Variants in AKAP6 observed in about 807,000 individuals in gnomAD.
AKAP6 encodes A-kinase anchor protein 6.
In AKAP6, 58 loss-of-function variants were observed where a neutral mutation model predicts 188.5. The observed-to-expected ratio is 0.31, with a 90% CI of 0.25 to 0.38. AKAP6 has a LOEUF of 0.38. AKAP6 is among the 10% of genes least tolerant of loss of function. The pLI is 1.00. For synonymous variants in AKAP6, 989 were observed against 998.6 expected, an observed-to-expected ratio of 0.99 and a Z score of 0.18; for missense variants, 2,710 against 2,740.0, an observed-to-expected ratio of 0.99 and a Z score of 0.24.
intron 2 of AKAP6, among the ~76,000 whole-genome samples, chr14:32,510,853 T>C (rs990498342): frequency 1.3e-5 from 2 of 152,160 alleles, no homozygotes; most frequent in African/African-American, 2.4e-5. Flanking sequence ...GGAGTCATGC[T>C]GGCCAATCTA....
intron 5 of AKAP6, among the ~76,000 whole-genome samples, chr14:32,598,609 G>A (rs1244603550): frequency 6.6e-6 from 1 of 152,098 alleles, no homozygotes; most frequent in East Asian, 1.9e-4. Flanking sequence ...CTTATAATTT[G>A]GTAGCCAAGG....
Position 32,794,877 on chromosome 14 carries a change from A to G in AKAP6, c.3588+20984A>G, listed in dbSNP as rs183436893. Reference sequence around the variant, plus strand: ...AGAGCTATTTTTTTTTAAATTAACAAAAGAGACCACTAGCTAGACTAATAA... The same window carrying G: ...AGAGCTATTTTTTTTTAAATTAACAGAAGAGACCACTAGCTAGACTAATAA... On this transcript the variant is annotated intron_variant, in intron 12 of 13. Coordinates refer to ENST00000280979, the MANE Select transcript of AKAP6 (RefSeq NM_004274.5). Among the ~76,000 whole-genome samples, 4 of 152,082 alleles carry G rather than the reference A, an allele frequency of 2.6e-5. No homozygotes were observed. In the East Asian group the frequency reaches 7.7e-4, roughly 29 times the overall value.
chr14:32,336,741 C>A (rs1484685977), intron 1 of AKAP6, among the ~76,000 whole-genome samples: 1 of 152,138 alleles, frequency 6.6e-6, no homozygotes, highest in Non-Finnish European at 1.5e-5. Context: ...ACTCAAAATT[C>A]TTGTTTCTCA....
chr14:32,407,988 G>C (rs187397985), intron 1 of AKAP6, among the ~76,000 whole-genome samples: 1 of 152,288 alleles, frequency 6.6e-6, no homozygotes, highest in Admixed American at 6.5e-5. Context: ...GTGCAGAAAA[G>C]TGCCAGATGA....
intron 7 of AKAP6, among the ~76,000 whole-genome samples, chr14:32,614,331 C>A (rs1417610993): frequency 6.6e-6 from 1 of 152,142 alleles, no homozygotes; most frequent in Admixed American, 6.5e-5. Context: ...GGCTAATACA[C>A]AAAAGGGAAA....
At chr14:32,727,535 T>C (rs1374920101) in intron 9 of AKAP6, among the ~76,000 whole-genome samples, 2 of 152,210 alleles carry the variant, frequency 1.3e-5, no homozygotes, top group Non-Finnish European at 2.9e-5. Flanking sequence ...TTAAAGATAA[T>C]GCAATCTATG....
chr14:32,770,675 C>T (rs2032870487), intron 11 of AKAP6, among the ~76,000 whole-genome samples: 1 of 152,224 alleles, frequency 6.6e-6, no homozygotes, highest in Admixed American at 6.5e-5. Context: ...CATCTTGGTC[C>T]ATCTGGTTCA....
chr14:32,509,931 G>A (rs1422732444), intron 2 of AKAP6, among the ~76,000 whole-genome samples: 2 of 152,066 alleles, frequency 1.3e-5, no homozygotes, highest in South Asian at 2.1e-4. Flanking sequence ...TGCCTCTCCC[G>A]GAAATCTCTG....
intron 2 of AKAP6, among the ~76,000 whole-genome samples, chr14:32,523,472 C>CTCT (rs1555336528): frequency 7.7e-5 from 11 of 142,828 alleles, no homozygotes; most frequent in African/African-American, 1.0e-4. Flanking sequence ...CTCTCTCTCT[C>CTCT]TTTTTTTTTT....
intron 9 of AKAP6, among the ~76,000 whole-genome samples, chr14:32,698,604 A>G (rs1326109614): frequency 6.6e-6 from 1 of 151,980 alleles, no homozygotes; most frequent in East Asian, 1.9e-4. Flanking sequence ...TTCCCCACTC[A>G]TTGTGACAAC....
intron 7 of AKAP6, among the ~76,000 whole-genome samples, chr14:32,647,839 A>G (rs1019476152): frequency 4.6e-5 from 7 of 152,082 alleles, no homozygotes; most frequent in African/African-American, 1.7e-4. Context: ...GAGCACAAAC[A>G]TAATCAGTAG....
intron 7 of AKAP6, among the ~76,000 whole-genome samples, chr14:32,607,178 C>T (rs1886159105): frequency 6.6e-6 from 1 of 152,160 alleles, no homozygotes; most frequent in South Asian, 2.1e-4. Flanking sequence ...AGAACTTGAT[C>T]CTGATTCTTC....
At chr14:32,635,486 A>G (rs1237792244) in intron 7 of AKAP6, among the ~76,000 whole-genome samples, 1 of 152,122 alleles carries the variant, frequency 6.6e-6, no homozygotes, top group East Asian at 1.9e-4. Flanking sequence ...TGAAATCGAA[A>G]GTAATTTTAG....
At chr14:32,745,630 G>T (rs546522985) in intron 11 of AKAP6, among the ~76,000 whole-genome samples, 1 of 152,122 alleles carries the variant, frequency 6.6e-6, no homozygotes, top group South Asian at 2.1e-4. Context: ...AGCCAGCACA[G>T]CACTGGGTCC....
At chr14:32,826,628 G>A (rs1486720989) in intron 13 of AKAP6, among the ~76,000 whole-genome samples, 1 of 152,192 alleles carries the variant, frequency 6.6e-6, no homozygotes, top group Non-Finnish European at 1.5e-5. Context: ...TCTGGCACTG[G>A]AGAAGCCTTT....
chr14:32,530,620 G>A (rs1278263486), intron 2 of AKAP6, among the ~76,000 whole-genome samples: 1 of 152,130 alleles, frequency 6.6e-6, no homozygotes. Flanking sequence ...AGGCAGCAAA[G>A]AGATCGTCTC....
chr14:32,367,722 G>A (rs549935087), intron 1 of AKAP6, among the ~76,000 whole-genome samples: 11 of 152,254 alleles, frequency 7.2e-5, no homozygotes, highest in South Asian at 4.2e-4. Flanking sequence ...CATGTGGAAT[G>A]GGGACAGGGA....
chr14:32,371,095 GTAAC>G (rs138699243), intron 1 of AKAP6, among the ~76,000 whole-genome samples: 27,954 of 152,018 alleles, frequency 0.18, 2,908 homozygotes, highest in East Asian at 0.33. Context: ...AACAGGAAAA[GTAAC>G]TAAGTCCTAA....
chr14:32,778,509 C>T (rs1566704841), intron 12 of AKAP6, among the ~76,000 whole-genome samples: 1 of 151,232 alleles, frequency 6.6e-6, no homozygotes, highest in African/African-American at 2.4e-5. Context: ...AAAAATTAGA[C>T]ATGTGATAAG....
Sources: gnomAD v4.1 joint callset for allele counts (sites outside exome capture counted in the v4.1 genomes callset) on GRCh38, gnomAD v4.1.1 for gene constraint, MANE v1.5 for transcripts, NCBI Gene and HGNC (gene_info 2026-07-23, HGNC 2026-07-21) for gene names.